The following PRKCI variants were observed in gnomAD, a reference collection of about 807,000 sequenced individuals.
PRKCI encodes protein kinase C iota.
PRKCI carries 43 observed loss-of-function variants against 84.0 expected under a neutral mutation model. The ratio of observed to expected loss-of-function variants is 0.51; its 90% confidence interval spans 0.40 to 0.66. The LOEUF (loss-of-function observed/expected upper bound fraction) is 0.66, where lower values mean the gene tolerates loss of function less well. PRKCI is among the 30% of genes least tolerant of loss of function. PRKCI has a pLI of 0.00. For missense variants in PRKCI, 459 were observed against 745.6 expected (o/e 0.62, Z 4.48); for synonymous variants, 216 against 234.4 (o/e 0.92, Z 0.72).
intron 14 of PRKCI, among the ~76,000 whole-genome samples, chr3:170,295,076 G>C (rs1158991547): frequency 6.6e-6 from 1 of 151,958 alleles, no homozygotes; most frequent in Non-Finnish European, 1.5e-5. Context: ...GCTGGGCGTC[G>C]TGGCGGGCAC....
intron 1 of PRKCI, among the ~76,000 whole-genome samples, chr3:170,232,171 C>T (rs1732815514): frequency 6.6e-6 from 1 of 152,026 alleles, no homozygotes. Flanking sequence ...CTACCTCAGC[C>T]TCCCAAGTAG....
chr3:170,296,037 T>C (rs966563269), intron 15 of PRKCI, 47 bp downstream of exon 15: 2 of 1,095,000 alleles, frequency 1.8e-6, no homozygotes, highest in Non-Finnish European at 2.6e-6. Context: ...TCTTTCTATA[T>C]ATATCAAACT....
At chr3:170,247,580 A>G (rs1434296464) in intron 2 of PRKCI, among the ~76,000 whole-genome samples, 2 of 151,688 alleles carry the variant, frequency 1.3e-5, no homozygotes, top group Non-Finnish European at 2.9e-5. Flanking sequence ...AAAATACAAA[A>G]TTAGCTGGGT....
intron 2 of PRKCI, among the ~76,000 whole-genome samples, chr3:170,257,750 C>T (rs540787346): frequency 6.7e-5 from 10 of 149,842 alleles, no homozygotes; most frequent in South Asian, 4.3e-4. Flanking sequence ...CTGCAACCTC[C>T]GCCTCCCAGG....
chr3:170,242,370 G>A (rs1223426223), intron 2 of PRKCI, among the ~76,000 whole-genome samples: 1 of 151,238 alleles, frequency 6.6e-6, no homozygotes, highest in Non-Finnish European at 1.5e-5. Context: ...TAGCCCAGGA[G>A]GTTGAGGCTG....
At chr3:170,251,068 G>A (rs774845544) in intron 2 of PRKCI, among the ~76,000 whole-genome samples, 2 of 151,942 alleles carry the variant, frequency 1.3e-5, no homozygotes, top group Non-Finnish European at 1.5e-5. Flanking sequence ...CCACAGTAGC[G>A]ACATAAAAAT....
At chr3:170,270,294 T>G (rs1287521509) in intron 5 of PRKCI, 127 bp from the exon 6 acceptor site, 5 of 922,680 alleles carry the variant, frequency 5.4e-6, no homozygotes, top group Non-Finnish European at 7.5e-6. Context: ...TTTGTTTTGC[T>G]TTTGTTTTTG....
At chr3:170,280,455 T>C (rs1290076932) in intron 9 of PRKCI, 52 bp downstream of exon 9, 18 of 1,470,730 alleles carry the variant, frequency 1.2e-5, no homozygotes, top group Non-Finnish European at 1.6e-5. Context: ...TACTATTCTT[T>C]TTTTTTTTTG....
At chr3:170,268,071 T>G in intron 5 of PRKCI, 71 bp downstream of exon 5, 1 of 1,246,096 alleles carries the variant, frequency 8.0e-7, no homozygotes, top group Non-Finnish European at 1.1e-6. Flanking sequence ...GAAAGAAAGG[T>G]AGTTTGTTAT....
chr3:170,293,295 C>G, intron 13 of PRKCI, 88 bp from the exon 14 acceptor site: 1 of 1,321,380 alleles, frequency 7.6e-7, no homozygotes, highest in South Asian at 1.5e-5. Context: ...TTCATTGTTT[C>G]TTTTTCCTTT....
chr3:170,286,291 C>G (rs1165086881), intron 12 of PRKCI, among the ~76,000 whole-genome samples: 1 of 151,870 alleles, frequency 6.6e-6, no homozygotes, highest in Non-Finnish European at 1.5e-5. Flanking sequence ...GAGTGGAACC[C>G]CTATGTACCT....
rs553402504 is a variant in PRKCI at position 170,242,445 on chromosome 3, GAAAAAA to G, written c.223+7095_223+7100del. Among the ~76,000 whole-genome samples, 222 of 146,740 alleles carry G rather than the reference GAAAAAA, an allele frequency of 1.5e-3. 1 individual carries two copies. Among genetic ancestry groups the G allele is most frequent in the Non-Finnish European group, 2.5e-3 (168 of 67,616 alleles). On this transcript the variant is annotated intron_variant, in intron 2 of 17. Transcript: ENST00000295797. ...CACAGAGTGAGACCCCATCTCAAAAGAAAAAAGAAAAAGAAAAGACAAGAAAAGAAA... is the reference window on the plus strand; with the variant it reads ...CACAGAGTGAGACCCCATCTCAAAAGGAAAAAGAAAAGACAAGAAAAGAAA...
At chr3:170,288,736 A>G (rs1197795281) in intron 12 of PRKCI, among the ~76,000 whole-genome samples, 6 of 152,218 alleles carry the variant, frequency 3.9e-5, no homozygotes, top group African/African-American at 7.2e-5. Context: ...CAGACTGGGC[A>G]ACAGAGTGAG....
chr3:170,247,547 A>G (rs1210004031), intron 2 of PRKCI, among the ~76,000 whole-genome samples: 2 of 151,626 alleles, frequency 1.3e-5, no homozygotes. Flanking sequence ...CCTGACCAAC[A>G]TGGAGAAATG....
chr3:170,261,797 C>T (rs1160100365), intron 3 of PRKCI, among the ~76,000 whole-genome samples: 1 of 152,052 alleles, frequency 6.6e-6, no homozygotes, highest in Non-Finnish European at 1.5e-5. Flanking sequence ...TTTTTTTCTA[C>T]CTCCAGAATT....
intron 1 of PRKCI, among the ~76,000 whole-genome samples, chr3:170,226,367 G>A (rs1188447075): frequency 2.6e-5 from 4 of 152,178 alleles, no homozygotes; most frequent in Non-Finnish European, 4.4e-5. Flanking sequence ...ATTACCTAGT[G>A]CTAGTAGTTT....
In PRKCI at chr3:170,267,943, C is replaced by T. The variant is rs761054128; in HGVS notation, c.393C>T (p.Arg131=). Residue 131 remains arginine (R), a synonymous_variant, in exon 5 of 18, where the codon CGC becomes CGT. Transcript: ENST00000295797. ...DKSIYRRGAR[R]WRKLYCANGH... ...CCATCTACCGTAGAGGTGCACGCCGCTGGAGAAAGCTTTATTGTGCCAATG... is the reference window on the plus strand; with the variant it reads ...CCATCTACCGTAGAGGTGCACGCCGTTGGAGAAAGCTTTATTGTGCCAATG... The T allele has an allele frequency of 6.2e-7, 1 of 1,612,556 alleles. No individual in the cohort carries two copies. Among genetic ancestry groups the T allele is most frequent in the Non-Finnish European group, 8.5e-7 (1 of 1,179,300 alleles).
chr3:170,235,022 T>C (rs1732933480), intron 1 of PRKCI, among the ~76,000 whole-genome samples: 1 of 152,024 alleles, frequency 6.6e-6, no homozygotes. Flanking sequence ...TAAAGTGATC[T>C]GCCCAGCTCA....
intron 13 of PRKCI, 95 bp downstream of exon 13, chr3:170,292,036 G>A (rs377133273): frequency 3.8e-5 from 32 of 851,366 alleles, no homozygotes; most frequent in South Asian, 1.4e-4. Context: ...GCATTTTGAC[G>A]TGATCTTATT....
Sources: gnomAD v4.1 joint callset for allele counts (sites outside exome capture counted in the v4.1 genomes callset) on GRCh38, gnomAD v4.1.1 for gene constraint, MANE v1.5 for transcripts, NCBI Gene and HGNC (gene_info 2026-07-23, HGNC 2026-07-21) for gene names.